The following HDAC9 variants were observed in gnomAD, a reference collection of about 807,000 sequenced individuals.
HDAC9 encodes MEF-2 interacting transcription repressor (MITR) protein.
A neutral mutation model predicts 139.4 loss-of-function variants in HDAC9; 41 were observed. The observed-to-expected ratio is 0.29, with a 90% confidence interval of 0.23 to 0.38. The LOEUF (loss-of-function observed/expected upper bound fraction) is 0.38. Among genes scored for constraint, HDAC9 ranks in the 10% least tolerant of loss-of-function variants. The pLI, the probability that HDAC9 is intolerant of heterozygous loss-of-function variation, is 1.00. For synonymous variants in HDAC9, 517 were observed against 476.2 expected, an observed-to-expected ratio of 1.09 and a Z score of -1.12; for missense variants, 1,147 against 1,297.0, an observed-to-expected ratio of 0.88 and a Z score of 1.78.
At chr7:18,130,651 C>T (rs997154954) in intron 1 of HDAC9, among the ~76,000 whole-genome samples, 9 of 152,102 alleles carry the variant, frequency 5.9e-5, no homozygotes, top group Non-Finnish European at 5.9e-5. Flanking sequence ...AGCTGTCACC[C>T]CTAAATCCCT....
intron 2 of HDAC9, among the ~76,000 whole-genome samples, chr7:18,517,240 A>G (rs1803515012): frequency 6.6e-6 from 1 of 152,204 alleles, no homozygotes; most frequent in Non-Finnish European, 1.5e-5. Flanking sequence ...AGAGTCCGTC[A>G]TTGTGACTGC....
intron 19 of HDAC9, among the ~76,000 whole-genome samples, chr7:18,832,702 A>T (rs939607346): frequency 4.6e-5 from 7 of 151,800 alleles, no homozygotes; most frequent in African/African-American, 1.7e-4. Flanking sequence ...TGAATATTTT[A>T]CAGCAAGGAA....
intron 1 of HDAC9, among the ~76,000 whole-genome samples, chr7:18,334,055 A>G (rs1180943883): frequency 1.3e-5 from 2 of 151,536 alleles, no homozygotes; most frequent in East Asian, 3.9e-4. Context: ...AACTGGAGAA[A>G]TATCATTTGA....
intron 1 of HDAC9, among the ~76,000 whole-genome samples, chr7:18,337,314 A>G (rs1465890449): frequency 6.6e-6 from 1 of 151,662 alleles, no homozygotes; most frequent in Non-Finnish European, 1.5e-5. Context: ...TCTCCAAAAT[A>G]TGCTTTAGCA....
At chr7:18,310,079 T>C (rs1474267528) in intron 1 of HDAC9, among the ~76,000 whole-genome samples, 2 of 151,848 alleles carry the variant, frequency 1.3e-5, no homozygotes, top group Non-Finnish European at 2.9e-5. Context: ...AGATGCACAC[T>C]TTAGCTTGAT....
intron 2 of HDAC9, among the ~76,000 whole-genome samples, chr7:18,536,143 A>T (rs801765): frequency 2.6e-5 from 4 of 152,240 alleles, no homozygotes; most frequent in South Asian, 2.1e-4. Flanking sequence ...GCAGCCTGCA[A>T]TGAATGACTG....
chr7:18,861,034 A>G (rs1358199027), intron 21 of HDAC9, among the ~76,000 whole-genome samples: 2 of 152,168 alleles, frequency 1.3e-5, no homozygotes, highest in Non-Finnish European at 1.5e-5. Flanking sequence ...AGTAATGCTT[A>G]TGAAACCAAA....
rs370854252 is a variant in HDAC9 at position 18,475,130 on chromosome 7, C to T, written c.-41-21132C>T. Among the ~76,000 whole-genome samples, 9 of 152,216 alleles carry T rather than the reference C, an allele frequency of 5.9e-5. No homozygotes were observed. In the East Asian group the frequency reaches 9.7e-4, roughly 16 times the overall value. On this transcript the variant is annotated intron_variant, in intron 1 of 3. Transcript: ENST00000413509. ...GAGGAATCCTTTGCCTAACAGAGCTCGGAAGGATCTTGTGGTGGTCAGTGA... is the reference window on the plus strand; with the variant it reads ...GAGGAATCCTTTGCCTAACAGAGCTTGGAAGGATCTTGTGGTGGTCAGTGA...
Position 18,121,321 on chromosome 7 carries a change from A to G in HDAC9, c.-97+34108A>G, listed in dbSNP as rs202028934. Among the ~76,000 whole-genome samples, 10 of 152,244 alleles carry G rather than the reference A, an allele frequency of 6.6e-5. No homozygotes were observed. The East Asian group carries it at 1.7e-3, about 27-fold the overall frequency. On this transcript the variant is annotated intron_variant, in intron 1 of 12. Transcript: ENST00000417496. ...ATAGGCAGTTGCCTTGTGTAGGGCT[A>G]TACTTGCCCGTAGAGTTTTACACTT...
At chr7:18,274,020 A>G (rs1477627675) in intron 2 of HDAC9, among the ~76,000 whole-genome samples, 2 of 152,202 alleles carry the variant, frequency 1.3e-5, no homozygotes, top group African/African-American at 2.4e-5. Context: ...AATTTCACCT[A>G]TATATGTAGT....
At chr7:18,711,257 C>T (rs1180425046) in intron 12 of HDAC9, among the ~76,000 whole-genome samples, 1 of 152,174 alleles carries the variant, frequency 6.6e-6, no homozygotes, top group Non-Finnish European at 1.5e-5. Flanking sequence ...CATCTCAATT[C>T]AACAAATCAT....
chr7:18,627,013 A>G (rs1358748546), intron 6 of HDAC9, among the ~76,000 whole-genome samples: 1 of 152,172 alleles, frequency 6.6e-6, no homozygotes, highest in Non-Finnish European at 1.5e-5. Flanking sequence ...AAATAGTACC[A>G]ATAATATGTT....
intron 21 of HDAC9, among the ~76,000 whole-genome samples, chr7:18,864,458 G>T (rs557220223): frequency 2.0e-5 from 3 of 151,936 alleles, no homozygotes; most frequent in East Asian, 3.9e-4. Flanking sequence ...AGGGGAAAAT[G>T]GGGAGTTGCT....
intron 1 of HDAC9, among the ~76,000 whole-genome samples, chr7:18,443,644 A>G (rs1225277304): frequency 1.3e-5 from 2 of 152,158 alleles, no homozygotes; most frequent in Admixed American, 6.5e-5. Context: ...ATTTGGTTTA[A>G]AACTAAATAT....
chr7:18,681,623 A>G (rs1010114022), intron 12 of HDAC9, among the ~76,000 whole-genome samples: 1 of 152,028 alleles, frequency 6.6e-6, no homozygotes, highest in African/African-American at 2.4e-5. Flanking sequence ...CAGGTGATCA[A>G]TTTCTTTGAA....
intron 12 of HDAC9, among the ~76,000 whole-genome samples, chr7:18,720,005 C>G (rs2129123207): frequency 6.6e-6 from 1 of 152,262 alleles, no homozygotes; most frequent in Non-Finnish European, 1.5e-5. Flanking sequence ...ATCTACATGT[C>G]TATCCTTAAG....
At chr7:18,915,101 A>T (rs1419887859) in intron 22 of HDAC9, among the ~76,000 whole-genome samples, 1 of 152,056 alleles carries the variant, frequency 6.6e-6, no homozygotes, top group African/African-American at 2.4e-5. Context: ...GCATTTGTGC[A>T]TGTGTCTGTA....
At chr7:18,634,284 T>C (rs1783215363) in intron 7 of HDAC9, among the ~76,000 whole-genome samples, 1 of 152,010 alleles carries the variant, frequency 6.6e-6, no homozygotes, top group South Asian at 2.1e-4. Context: ...TCATTACTGT[T>C]ATTTTCTGTA....
At chr7:18,229,119 A>G (rs778541595) in intron 2 of HDAC9, among the ~76,000 whole-genome samples, 21 of 152,252 alleles carry the variant, frequency 1.4e-4, no homozygotes. Context: ...TTAATTCACA[A>G]TAAATTCACT....
Sources: gnomAD v4.1 joint callset for allele counts (sites outside exome capture counted in the v4.1 genomes callset) on GRCh38, gnomAD v4.1.1 for gene constraint, MANE v1.5 for transcripts, NCBI Gene and HGNC (gene_info 2026-07-23, HGNC 2026-07-21) for gene names.